Variants in FGF12 observed in about 807,000 individuals in gnomAD.
The protein encoded by FGF12 is fibroblast growth factor 12, also known as fibroblast growth factor 12B.
FGF12 carries 14 observed loss-of-function variants against 23.6 expected under a neutral mutation model. The ratio of observed to expected loss-of-function variants is 0.59; its 90% CI spans 0.39 to 0.93. The LOEUF (loss-of-function observed/expected upper bound fraction) is 0.93, where lower values mean the gene tolerates loss of function less well. FGF12 is among the 40% of genes least tolerant of loss of function. The probability of loss-of-function intolerance (pLI) is 0.00; values close to 1 mark genes in which losing one functional copy is unlikely to be tolerated. For missense variants in FGF12, 175 were observed against 217.8 expected, an observed-to-expected ratio of 0.80 and a Z score of 1.24; for synonymous variants, 62 against 77.3, an observed-to-expected ratio of 0.80 and a Z score of 1.04.
In FGF12 at chr3:192,678,216, C is replaced by T. The variant is rs75461067; in HGVS notation, c.13+48965G>A. 9.0e-3 allele frequency among the ~76,000 whole-genome samples: 1,376 copies of T among 152,334 alleles called. 22 individuals are homozygous for T. Among genetic ancestry groups the T allele is most frequent in the African/African-American group, 0.031 (1,281 of 41,570 alleles). On this transcript the variant is annotated intron_variant, in intron 2 of 5. Transcript: ENST00000445105. Reference sequence around the variant, plus strand: ...ACAAAACCCTTGTGAGGTAGGTACTCTTACTATTCCCACCTCACAGGTGAG... The same window carrying T: ...ACAAAACCCTTGTGAGGTAGGTACTTTTACTATTCCCACCTCACAGGTGAG...
At chr3:192,442,808 CTTT>C (rs764710938) in intron 2 of FGF12, among the ~76,000 whole-genome samples, 7 of 139,718 alleles carry the variant, frequency 5.0e-5, no homozygotes, top group Admixed American at 7.3e-5. Context: ...TGTATTCTAT[CTTT>C]TTTTTTTTTT....
At chr3:192,493,678 C>T (rs776565540) in intron 2 of FGF12, among the ~76,000 whole-genome samples, 21 of 152,014 alleles carry the variant, frequency 1.4e-4, no homozygotes, top group Non-Finnish European at 2.5e-4. Flanking sequence ...AAAGGGGGAG[C>T]AAGTAATTCA....
At chr3:192,721,537 C>CT (rs1383318280) in intron 2 of FGF12, among the ~76,000 whole-genome samples, 1 of 152,068 alleles carries the variant, frequency 6.6e-6, no homozygotes, top group Non-Finnish European at 1.5e-5. Flanking sequence ...TGTGACAAAT[C>CT]AGGAAACCCA....
At chr3:192,585,102 A>G (rs779285068) in intron 2 of FGF12, among the ~76,000 whole-genome samples, 1 of 152,202 alleles carries the variant, frequency 6.6e-6, no homozygotes, top group Non-Finnish European at 1.5e-5. Context: ...CCTGCTTTCA[A>G]TAAAGTAATG....
At chr3:192,423,412 C>T (rs890158074) in intron 2 of FGF12, among the ~76,000 whole-genome samples, 1 of 152,120 alleles carries the variant, frequency 6.6e-6, no homozygotes, top group East Asian at 1.9e-4. Context: ...GCTAAATTCT[C>T]GGGTTTTTCA....
At chr3:192,176,257 T>C (rs1229318494) in intron 4 of FGF12, among the ~76,000 whole-genome samples, 1 of 152,224 alleles carries the variant, frequency 6.6e-6, no homozygotes, top group East Asian at 1.9e-4. Flanking sequence ...AATAGGACCA[T>C]AACAGATGCT....
rs1260248625 is a variant in FGF12, at chr3:192,537,759, T to C, written c.14-177221A>G. 2.6e-5 allele frequency among the ~76,000 whole-genome samples: 4 copies of C among 152,168 alleles called. No homozygotes were observed. The East Asian group carries it at 7.7e-4, about 29-fold the overall frequency. ...TTCTGTGGGTTGTCTCTTCACTTTG[T>C]TGATTGTATCCTTCACTTTGCAGAA... On this transcript the variant is annotated intron_variant, in intron 2 of 5. Transcript: ENST00000445105.
chr3:192,470,650 A>C (rs539558592), intron 2 of FGF12, among the ~76,000 whole-genome samples: 1 of 152,344 alleles, frequency 6.6e-6, no homozygotes, highest in Admixed American at 6.5e-5. Flanking sequence ...CGGCCTCCTG[A>C]AGTGCTGGTA....
At chr3:192,543,244 C>T (rs1299661011) in intron 2 of FGF12, among the ~76,000 whole-genome samples, 2 of 152,184 alleles carry the variant, frequency 1.3e-5, no homozygotes, top group Non-Finnish European at 2.9e-5. Context: ...ACACTCTTCC[C>T]TCCCTTTTCT....
intron 2 of FGF12, among the ~76,000 whole-genome samples, chr3:192,542,531 T>C (rs1292973767): frequency 6.6e-6 from 1 of 152,228 alleles, no homozygotes; most frequent in East Asian, 1.9e-4. Flanking sequence ...GGTGAGGTCA[T>C]ATTTTCCTGG....
At chr3:192,559,405 G>A (rs1383551778) in intron 2 of FGF12, among the ~76,000 whole-genome samples, 1 of 151,936 alleles carries the variant, frequency 6.6e-6, no homozygotes, top group Non-Finnish European at 1.5e-5. Context: ...TGGTTATCAA[G>A]AGGTAGGGAT....
chr3:192,179,841 C>T (rs769972061), intron 4 of FGF12, among the ~76,000 whole-genome samples: 1 of 151,294 alleles, frequency 6.6e-6, no homozygotes, highest in Non-Finnish European at 1.5e-5. Flanking sequence ...CCATTGCATC[C>T]GGCCAGGTTG....
At chr3:192,403,849 C>T (rs940123950) in intron 2 of FGF12, among the ~76,000 whole-genome samples, 4 of 151,972 alleles carry the variant, frequency 2.6e-5, no homozygotes, top group East Asian at 3.9e-4. Flanking sequence ...CAAAAGGATA[C>T]GTTTTATAAT....
intron 2 of FGF12, among the ~76,000 whole-genome samples, chr3:192,458,725 T>G (rs1722762264): frequency 6.6e-6 from 1 of 151,632 alleles, no homozygotes; most frequent in South Asian, 2.1e-4. Context: ...CTGAAATGAG[T>G]TAAGACTTTG....
At chr3:192,508,815 T>C (rs2108838189) in intron 2 of FGF12, among the ~76,000 whole-genome samples, 1 of 152,334 alleles carries the variant, frequency 6.6e-6, no homozygotes. Context: ...TGTGAACTCC[T>C]AAATGCTTTT....
chr3:192,574,422 C>A (rs1325057858), intron 2 of FGF12, among the ~76,000 whole-genome samples: 1 of 152,202 alleles, frequency 6.6e-6, no homozygotes, highest in East Asian at 1.9e-4. Context: ...GGCTATGCTT[C>A]TGACCCTTTA....
At chr3:192,167,751 ATATATATATATATATAT>A (rs1269959470) in intron 5 of FGF12, among the ~76,000 whole-genome samples, 13 of 26,738 alleles carry the variant, frequency 4.9e-4, no homozygotes, top group African/African-American at 7.2e-4. Context: ...ATATATATAT[ATATATATATATATATAT>A]AAAATTTTTT....
At chr3:192,304,291 C>T (rs772242965) in intron 4 of FGF12, among the ~76,000 whole-genome samples, 14 of 152,180 alleles carry the variant, frequency 9.2e-5, no homozygotes, top group Non-Finnish European at 1.6e-4. Flanking sequence ...AAGACATCTA[C>T]TTCCCCTGTT....
chr3:192,680,083 C>T (rs749320453), intron 2 of FGF12, among the ~76,000 whole-genome samples: 5 of 151,936 alleles, frequency 3.3e-5, no homozygotes, highest in East Asian at 1.9e-4. Context: ...AATAGCTTAT[C>T]GATGTTTCGC....
Sources: gnomAD v4.1 joint callset for allele counts (sites outside exome capture counted in the v4.1 genomes callset) on GRCh38, gnomAD v4.1.1 for gene constraint, MANE v1.5 for transcripts, NCBI Gene and HGNC (gene_info 2026-07-23, HGNC 2026-07-21) for gene names.